MAPKAP1: variants seen among roughly 807,000 people sequenced by gnomAD.
MAPKAP1 encodes the protein target of rapamycin complex 2 subunit MAPKAP1.
Under a neutral mutation model 65.7 loss-of-function variants are expected in MAPKAP1, and 20 were observed. The observed-to-expected ratio is 0.30, with a 90% CI of 0.21 to 0.44. MAPKAP1 has a LOEUF of 0.44. Ranked by LOEUF, MAPKAP1 falls within the 20% of genes least tolerant of loss-of-function variation. The pLI is 1.00. For synonymous variants in MAPKAP1, 222 were observed against 244.3 expected, an observed-to-expected ratio of 0.91 and a Z score of 0.85; for missense variants, 423 against 648.0, an observed-to-expected ratio of 0.65 and a Z score of 3.77.
chr9:125,619,933 T>C (rs146139299), intron 4 of MAPKAP1, among the ~76,000 whole-genome samples: 13 of 152,328 alleles, frequency 8.5e-5, no homozygotes, highest in African/African-American at 2.6e-4. Flanking sequence ...CCAACACATC[T>C]GAGCAGTTAA....
chr9:125,478,040 T>C (rs559892215), intron 9 of MAPKAP1: 2 of 152,212 alleles, frequency 1.3e-5, no homozygotes. Flanking sequence ...TCTGGGCTGG[T>C]AGAGCAGGAA....
At chr9:125,588,354 A>G (rs1446077383) in intron 4 of MAPKAP1, among the ~76,000 whole-genome samples, 4 of 152,202 alleles carry the variant, frequency 2.6e-5, no homozygotes, top group Admixed American at 1.3e-4. Context: ...AGAACAGGCA[A>G]ATCCATAGAG....
At chr9:125,452,193 A>C (rs1263138915) in intron 10 of MAPKAP1, among the ~76,000 whole-genome samples, 1 of 151,594 alleles carries the variant, frequency 6.6e-6, no homozygotes, top group Non-Finnish European at 1.5e-5. Context: ...CTGTCTCCTG[A>C]GTTTGAGTGA....
chr9:125,677,155 T>C (rs1162990359), intron 1 of MAPKAP1, among the ~76,000 whole-genome samples: 2 of 152,156 alleles, frequency 1.3e-5, no homozygotes, highest in African/African-American at 4.8e-5. Context: ...CAGACGTCTT[T>C]TGGCCGGGTG....
At chr9:125,539,591 G>A (rs956359815) in intron 7 of MAPKAP1, among the ~76,000 whole-genome samples, 1 of 152,234 alleles carries the variant, frequency 6.6e-6, no homozygotes, top group Non-Finnish European at 1.5e-5. Context: ...AAAGGTCACT[G>A]ATTGTGAGGG....
At chr9:125,506,937 A>C (rs1829159282) in intron 7 of MAPKAP1, among the ~76,000 whole-genome samples, 1 of 152,258 alleles carries the variant, frequency 6.6e-6, no homozygotes, top group African/African-American at 2.4e-5. Context: ...ATTCAAAACA[A>C]ATTGTAAACA....
intron 8 of MAPKAP1, among the ~76,000 whole-genome samples, chr9:125,496,490 T>C (rs1245523329): frequency 1.3e-5 from 2 of 152,200 alleles, no homozygotes; most frequent in Admixed American, 1.3e-4. Flanking sequence ...AAGAGTGCTG[T>C]TGTGGTATAA....
chr9:125,571,892 C>T (rs1302182809), intron 5 of MAPKAP1, among the ~76,000 whole-genome samples: 2 of 151,840 alleles, frequency 1.3e-5, no homozygotes, highest in Admixed American at 1.3e-4. Flanking sequence ...AATAGAATAT[C>T]CTGCTGATCC....
intron 7 of MAPKAP1, among the ~76,000 whole-genome samples, chr9:125,515,906 G>A (rs1049846808): frequency 5.9e-5 from 9 of 152,100 alleles, no homozygotes; most frequent in African/African-American, 2.2e-4. Context: ...TGTGGGCTGA[G>A]TAGATGGCAC....
chr9:125,669,872 T>C lies in MAPKAP1; in HGVS notation c.295A>G (p.Asn99Asp). Residue 99 changes from asparagine to aspartate, a missense_variant, in exon 3 of 12, where the codon AAC becomes GAC. Transcript: ENST00000265960. ...RLERLRKERQ[N>D]QIKCKNIQWK... is the part of the protein sequence containing the mutation. ...TGAATATTTTTGCATTTGATCTGGT[T>C]TTGTCTCTCTTTTCGGAGTCGTTCT... 6.3e-7 allele frequency: 1 copy of C among 1,599,936 alleles called. No homozygotes were observed.
At chr9:125,491,357 C>G (rs554090858) in intron 8 of MAPKAP1, among the ~76,000 whole-genome samples, 1 of 151,996 alleles carries the variant, frequency 6.6e-6, no homozygotes, top group Admixed American at 6.6e-5. Flanking sequence ...GGGATGATCA[C>G]TTGAGCCCAG....
At chr9:125,528,006 T>C (rs1260716614) in intron 7 of MAPKAP1, among the ~76,000 whole-genome samples, 3 of 152,238 alleles carry the variant, frequency 2.0e-5, no homozygotes, top group Non-Finnish European at 4.4e-5. Context: ...CTACGAGCTG[T>C]GGACTGGTTT....
chr9:125,612,159 G>A (rs920399690), intron 4 of MAPKAP1, among the ~76,000 whole-genome samples: 2 of 151,930 alleles, frequency 1.3e-5, no homozygotes, highest in African/African-American at 2.4e-5. Context: ...ACTTATAAGC[G>A]CTCAAAAAGT....
chr9:125,673,780 T>A (rs1022458642), intron 1 of MAPKAP1, among the ~76,000 whole-genome samples: 9 of 149,896 alleles, frequency 6.0e-5, no homozygotes, highest in Non-Finnish European at 1.2e-4. Flanking sequence ...ATATAATAAT[T>A]ATTATTTTTT....
intron 4 of MAPKAP1, among the ~76,000 whole-genome samples, chr9:125,597,884 T>C (rs913348655): frequency 2.6e-5 from 4 of 152,220 alleles, no homozygotes; most frequent in Non-Finnish European, 5.9e-5. Flanking sequence ...GGATGCTATA[T>C]TCTACCAATG....
At chr9:125,669,020 A>T (rs939543141) in intron 3 of MAPKAP1, among the ~76,000 whole-genome samples, 2 of 152,200 alleles carry the variant, frequency 1.3e-5, no homozygotes, top group South Asian at 2.1e-4. Flanking sequence ...TCTCTACTAA[A>T]AATACAAAAC....
chr9:125,656,098 C>T (rs1376378953), intron 4 of MAPKAP1, among the ~76,000 whole-genome samples: 4 of 152,188 alleles, frequency 2.6e-5, no homozygotes, highest in East Asian at 1.9e-4. Context: ...CACATTATCA[C>T]ACATCAACTA....
intron 5 of MAPKAP1, among the ~76,000 whole-genome samples, chr9:125,575,552 A>C (rs1307626804): frequency 6.6e-6 from 1 of 152,214 alleles, no homozygotes; most frequent in Non-Finnish European, 1.5e-5. Context: ...AAATGGGCAA[A>C]AGATAAGAAC....
chr9:125,573,529 A>G (rs1191516515), intron 5 of MAPKAP1, among the ~76,000 whole-genome samples: 2 of 152,346 alleles, frequency 1.3e-5, no homozygotes, highest in East Asian at 3.9e-4. Flanking sequence ...GCTATGGAAC[A>G]GCCATTCTTT....
Sources: allele counts gnomAD v4.1 joint callset (sites outside exome capture counted in the v4.1 genomes callset), GRCh38; gene constraint gnomAD v4.1.1; transcripts MANE v1.5; gene names NCBI Gene and HGNC (gene_info 2026-07-23, HGNC 2026-07-21).